SLC17A1: variants seen among roughly 807,000 people sequenced by gnomAD.
The protein encoded by SLC17A1 is solute carrier family 17 member 1.
Under a neutral mutation model 53.5 loss-of-function variants are expected in SLC17A1, and 51 were observed. The ratio of observed to expected loss-of-function variants is 0.95; its 90% confidence interval spans 0.76 to 1.20. SLC17A1 has a LOEUF of 1.20. SLC17A1 is among the 50% of genes most tolerant of loss of function. The pLI, the probability that SLC17A1 is intolerant of heterozygous loss-of-function variation, is 0.00. For missense variants in SLC17A1, 538 were observed against 568.2 expected, an observed-to-expected ratio of 0.95 and a Z score of 0.54; for synonymous variants, 179 against 198.8, an observed-to-expected ratio of 0.90 and a Z score of 0.84.
intron 12 of SLC17A1, among the ~76,000 whole-genome samples, chr6:25,789,957 C>A (rs1763466006): frequency 1.3e-5 from 2 of 152,048 alleles, no homozygotes; most frequent in South Asian, 4.2e-4. Flanking sequence ...TCCTTGTTTG[C>A]AGGATACCCT....
chr6:25,817,549 G>A (rs1764401421), intron 6 of SLC17A1, among the ~76,000 whole-genome samples: 1 of 151,454 alleles, frequency 6.6e-6, no homozygotes, highest in Non-Finnish European at 1.5e-5. Context: ...ACCTTCGTTT[G>A]AGTTTCATGA....
rs1374189848 is a variant in SLC17A1 at position 25,782,926 on chromosome 6, C to T, written c.*295G>A. The stretch of plus-strand genomic sequence containing the variant: ...ATGAAGCCTTAGAATAAAATTTTAT[C>T]TTGTGTGTATTTATTGGTTTGACAA... On this transcript the variant is annotated 3_prime_UTR_variant, in exon 13 of 13. Transcript: ENST00000244527. 6.6e-6 allele frequency: 1 copy of T among 152,124 alleles called. No individual in the cohort carries two copies. The highest frequency in any genetic ancestry group is 1.5e-5 in the Non-Finnish European group (1 of 68,020). 9.4% of individuals were successfully genotyped at this position (152,124 alleles called of 1,614,324 possible).
the SLC17A1 span, among the ~76,000 whole-genome samples, chr6:25,730,767 ATAGT>A: frequency 6.6e-6 from 1 of 152,236 alleles, no homozygotes; most frequent in Non-Finnish European, 1.5e-5. Flanking sequence ...AAAAATGAAA[ATAGT>A]TGGGTGGAGA....
intron 10 of SLC17A1, among the ~76,000 whole-genome samples, chr6:25,809,672 T>G (rs557226406): frequency 3.3e-4 from 48 of 145,510 alleles, no homozygotes; most frequent in Non-Finnish European, 5.9e-4. Context: ...GAATTAATGT[T>G]GTTAAAATGT....
At chr6:25,831,937 G>C (rs984056310) in intron 1 of SLC17A1, 57 bp downstream of exon 1, 1 of 152,082 alleles carries the variant, frequency 6.6e-6, no homozygotes, top group Non-Finnish European at 1.5e-5. Flanking sequence ...GCCCCCTTAC[G>C]GCCCTCTGGG....
At chr6:25,727,121 C>A in the SLC17A1 span, 2 of 1,614,228 alleles carry the variant, frequency 1.2e-6, no homozygotes, top group East Asian at 2.2e-5. Context: ...TCACTGATAT[C>A]TTTGAGCGTA....
intron 6 of SLC17A1, among the ~76,000 whole-genome samples, chr6:25,817,880 G>T (rs1764414839): frequency 6.6e-6 from 1 of 152,082 alleles, no homozygotes; most frequent in African/African-American, 2.4e-5. Flanking sequence ...CCTGATAAGG[G>T]GCTTACGTTC....
chr6:25,791,804 G>A (rs1763505851), intron 12 of SLC17A1, among the ~76,000 whole-genome samples: 1 of 152,222 alleles, frequency 6.6e-6, no homozygotes, highest in Admixed American at 6.5e-5. Flanking sequence ...CATTGCCCAT[G>A]TGGCTGTGAC....
At chr6:25,729,949 C>T in the SLC17A1 span, among the ~76,000 whole-genome samples, 1 of 152,088 alleles carries the variant, frequency 6.6e-6, no homozygotes, top group Non-Finnish European at 1.5e-5. Flanking sequence ...TTTCTAAGTG[C>T]ATGCAATAAA....
chr6:25,795,258 CT>C (rs1459009140), intron 12 of SLC17A1, among the ~76,000 whole-genome samples: 1 of 152,098 alleles, frequency 6.6e-6, no homozygotes. Context: ...CCCACATCAT[CT>C]TTGGGGAATT....
At chr6:25,800,804 C>A in intron 11 of SLC17A1, 86 bp downstream of exon 11, 3 of 829,100 alleles carry the variant, frequency 3.6e-6, no homozygotes, top group Non-Finnish European at 6.0e-6. Flanking sequence ...CTCCTTCTGG[C>A]ATCTTCTCTG....
chr6:25,725,018 A>ATTTT, the SLC17A1 span, among the ~76,000 whole-genome samples: 22 of 142,066 alleles, frequency 1.5e-4, no homozygotes, highest in Middle Eastern at 3.7e-3. Context: ...TAACCAAATG[A>ATTTT]TTTTTTTTTT....
At chr6:25,744,088 A>G in the SLC17A1 span, among the ~76,000 whole-genome samples, 1 of 152,222 alleles carries the variant, frequency 6.6e-6, no homozygotes, top group Admixed American at 6.5e-5. Flanking sequence ...TTTGAGTAAT[A>G]AAGACTAATC....
At chr6:25,801,751 A>G (rs1763768760) in intron 10 of SLC17A1, among the ~76,000 whole-genome samples, 1 of 151,284 alleles carries the variant, frequency 6.6e-6, no homozygotes, top group South Asian at 2.1e-4. Flanking sequence ...TCCCATTCCT[A>G]CTCTGCCTTT....
At chr6:25,763,917 T>C in the SLC17A1 span, among the ~76,000 whole-genome samples, 2 of 152,186 alleles carry the variant, frequency 1.3e-5, no homozygotes, top group Admixed American at 1.3e-4. Flanking sequence ...AATCTAGGTA[T>C]TTCTGAGAAG....
intron 2 of SLC17A1, 89 bp downstream of exon 2, chr6:25,830,435 A>G: frequency 2.0e-6 from 2 of 1,014,370 alleles, no homozygotes; most frequent in Non-Finnish European, 3.1e-6. Context: ...CCCCATATGT[A>G]TATCACAAAA....
At chr6:25,811,314 T>G in intron 10 of SLC17A1, 84 bp downstream of exon 10, 3 of 1,402,856 alleles carry the variant, frequency 2.1e-6, no homozygotes, top group Non-Finnish European at 2.9e-6. Flanking sequence ...AGTATCCATA[T>G]TTTAAATCAT....
At chr6:25,801,303 T>A (rs1230995707) in intron 10 of SLC17A1, among the ~76,000 whole-genome samples, 1 of 152,218 alleles carries the variant, frequency 6.6e-6, no homozygotes, top group Non-Finnish European at 1.5e-5. Context: ...TAATGGGAAC[T>A]GGTTTGGGGT....
intron 6 of SLC17A1, 127 bp from the exon 7 acceptor site, chr6:25,813,340 C>A (rs1764228781): frequency 2.7e-6 from 2 of 752,960 alleles, no homozygotes; most frequent in African/African-American, 1.7e-5. Flanking sequence ...AACTTTTCAA[C>A]AAGACTTGTG....
Sources: allele counts gnomAD v4.1 joint callset (sites outside exome capture counted in the v4.1 genomes callset), GRCh38; gene constraint gnomAD v4.1.1; transcripts MANE v1.5; gene names NCBI Gene and HGNC (gene_info 2026-07-23, HGNC 2026-07-21).